Variants in BNC2 observed in about 807,000 individuals in gnomAD.
The protein encoded by BNC2 is basonuclin zinc finger protein 2.
A neutral mutation model predicts 76.3 loss-of-function variants in BNC2; 20 were observed. The ratio of observed to expected loss-of-function variants is 0.26; its 90% CI spans 0.18 to 0.38. The LOEUF is 0.38. BNC2 is among the 10% of genes least tolerant of loss of function. The pLI is 1.00. For missense variants in BNC2, 1,382 were observed against 1,399.8 expected (o/e 0.99, Z 0.20); for synonymous variants, 582 against 514.8 (o/e 1.13, Z -1.77).
At chr9:16,803,822 C>T (rs1314510099) in intron 1 of BNC2, among the ~76,000 whole-genome samples, 1 of 152,228 alleles carries the variant, frequency 6.6e-6, no homozygotes, top group Non-Finnish European at 1.5e-5. Flanking sequence ...TTGCAAATGT[C>T]ATGTGTCCGC....
At chr9:16,842,141 G>A (rs1818846699) in intron 1 of BNC2, among the ~76,000 whole-genome samples, 1 of 152,074 alleles carries the variant, frequency 6.6e-6, no homozygotes, top group Admixed American at 6.6e-5. Context: ...ATATTTTTTG[G>A]AGTTTTGAAG....
At chr9:16,626,955 A>T (rs1447269487) in intron 3 of BNC2, among the ~76,000 whole-genome samples, 1 of 152,192 alleles carries the variant, frequency 6.6e-6, no homozygotes, top group African/African-American at 2.4e-5. Context: ...CAGCACGGGC[A>T]TGTCTCCGTG....
intron 5 of BNC2, among the ~76,000 whole-genome samples, chr9:16,437,941 C>G (rs150761097): frequency 9.2e-5 from 14 of 152,102 alleles, no homozygotes; most frequent in Non-Finnish European, 1.8e-4. Flanking sequence ...AATAGTGATA[C>G]TATAGGAAGG....
At chr9:16,686,946 A>C (rs1020029319) in intron 3 of BNC2, among the ~76,000 whole-genome samples, 6 of 152,080 alleles carry the variant, frequency 3.9e-5, no homozygotes, top group Non-Finnish European at 8.8e-5. Flanking sequence ...GTTTACAACC[A>C]CTCTTTACCC....
chr9:16,670,361 G>A (rs1421356791), intron 3 of BNC2, among the ~76,000 whole-genome samples: 3 of 152,082 alleles, frequency 2.0e-5, no homozygotes, highest in Non-Finnish European at 4.4e-5. Context: ...TGTCACCCAG[G>A]CTGGAATTCA....
intron 3 of BNC2, among the ~76,000 whole-genome samples, chr9:16,630,546 T>C (rs1404668617): frequency 6.6e-6 from 1 of 152,186 alleles, no homozygotes; most frequent in Non-Finnish European, 1.5e-5. Flanking sequence ...TTGGCGATGC[T>C]TTTACTCTTC....
rs1824394628 is a variant in BNC2 at position 16,727,909 on chromosome 9, G to C, written c.218C>G (p.Ser73Cys). 3 of 1,614,010 alleles carry C rather than the reference G, an allele frequency of 1.9e-6. No individual in the cohort carries two copies. The highest frequency in any genetic ancestry group is 2.5e-6 in the Non-Finnish European group (3 of 1,180,026). ...KRARDLTLRD[S>C]CTDNSMQFGT... is the part of the protein sequence containing the mutation. ...GAACTGCATGGAGTTGTCAGTACAG[G>C]AGTCTCTTAAAGTCAAGTCTCTTGC... The change falls in exon 3 of 7, where the codon TCC (serine) becomes TGC (cysteine). Residue 73 changes from serine (S) to cysteine (C), a missense_variant. Transcript: ENST00000380672.
intron 1 of BNC2, among the ~76,000 whole-genome samples, chr9:16,743,506 G>C (rs899153025): frequency 6.6e-6 from 1 of 152,132 alleles, no homozygotes; most frequent in Non-Finnish European, 1.5e-5. Context: ...GTGGACCTTT[G>C]TGTAGTATTG....
chr9:16,560,853 C>T (rs957787049), intron 4 of BNC2, among the ~76,000 whole-genome samples: 22 of 152,234 alleles, frequency 1.4e-4, no homozygotes, highest in African/African-American at 5.1e-4. Flanking sequence ...CCAGCAGGAA[C>T]AAAAGCTGGT....
intron 1 of BNC2, among the ~76,000 whole-genome samples, chr9:16,839,738 G>A (rs1317322631): frequency 6.6e-6 from 1 of 152,190 alleles, no homozygotes; most frequent in Non-Finnish European, 1.5e-5. Flanking sequence ...ATTAAAGGCT[G>A]ATTAGAAGAT....
At chr9:16,830,693 T>A (rs1286849486) in intron 1 of BNC2, among the ~76,000 whole-genome samples, 5 of 152,180 alleles carry the variant, frequency 3.3e-5, no homozygotes. Flanking sequence ...ATTTTTCTCC[T>A]TTGATAAAAC....
intron 3 of BNC2, among the ~76,000 whole-genome samples, chr9:16,695,230 G>C (rs1700502861): frequency 6.6e-6 from 1 of 152,110 alleles, no homozygotes; most frequent in South Asian, 2.1e-4. Context: ...CTCACAAAAA[G>C]ACAGAGCTAC....
At chr9:16,809,448 G>T (rs375311910) in intron 1 of BNC2, among the ~76,000 whole-genome samples, 4 of 151,938 alleles carry the variant, frequency 2.6e-5, no homozygotes, top group Non-Finnish European at 5.9e-5. Flanking sequence ...GAACTCTCTC[G>T]GTCCAGTTTT....
chr9:16,710,784 A>G (rs1207354556), intron 3 of BNC2, among the ~76,000 whole-genome samples: 1 of 151,602 alleles, frequency 6.6e-6, no homozygotes, highest in Non-Finnish European at 1.5e-5. Flanking sequence ...AGACTTCAGT[A>G]CATTTGTGAC....
At chr9:16,767,211 G>C (rs542149939) in intron 1 of BNC2, among the ~76,000 whole-genome samples, 8 of 152,288 alleles carry the variant, frequency 5.3e-5, no homozygotes, top group Admixed American at 2.0e-4. Context: ...GAAGCAACCA[G>C]TCAATTAAAT....
At chr9:16,789,363 T>C (rs996616591) in intron 1 of BNC2, among the ~76,000 whole-genome samples, 1 of 152,154 alleles carries the variant, frequency 6.6e-6, no homozygotes, top group African/African-American at 2.4e-5. Flanking sequence ...TTACTGTGTA[T>C]AAATTATACC....
chr9:16,764,929 G>A (rs1825650501), intron 1 of BNC2, among the ~76,000 whole-genome samples: 1 of 151,634 alleles, frequency 6.6e-6, no homozygotes, highest in Non-Finnish European at 1.5e-5. Flanking sequence ...GGATGGGGAA[G>A]AAGGGAAGGA....
intron 1 of BNC2, among the ~76,000 whole-genome samples, chr9:16,748,326 C>T (rs1825069642): frequency 6.6e-6 from 1 of 152,002 alleles, no homozygotes; most frequent in South Asian, 2.1e-4. Flanking sequence ...CCAGCCTGGG[C>T]AATATGGCAA....
chr9:16,817,272 A>G (rs978858118), intron 1 of BNC2, among the ~76,000 whole-genome samples: 15 of 152,178 alleles, frequency 9.9e-5, no homozygotes, highest in African/African-American at 3.6e-4. Context: ...TGAACCATTA[A>G]TGTTCTCCTC....
Sources: gnomAD v4.1 joint callset for allele counts (sites outside exome capture counted in the v4.1 genomes callset) on GRCh38, gnomAD v4.1.1 for gene constraint, MANE v1.5 for transcripts, NCBI Gene and HGNC (gene_info 2026-07-23, HGNC 2026-07-21) for gene names.